PKP4: variants seen among roughly 807,000 people sequenced by gnomAD.
PKP4 encodes plakophilin 4, also known as plakophilin-4.
In PKP4, 90 loss-of-function variants were observed where a neutral mutation model predicts 145.1. The observed-to-expected ratio is 0.62, with a 90% CI of 0.52 to 0.74. The LOEUF (loss-of-function observed/expected upper bound fraction) is 0.74. Among genes scored for constraint, PKP4 ranks in the 30% least tolerant of loss-of-function variants. The pLI is 0.00. For synonymous variants in PKP4, 563 were observed against 577.2 expected (o/e 0.98, Z 0.35); for missense variants, 1,340 against 1,482.7 (o/e 0.90, Z 1.58).
chr2:158,496,960 A>G (rs1695833999), intron 1 of PKP4, among the ~76,000 whole-genome samples: 1 of 152,166 alleles, frequency 6.6e-6, no homozygotes, highest in Non-Finnish European at 1.5e-5. Context: ...TCTTGAAAAA[A>G]ATTAATGGTC....
chr2:158,573,262 A>G lies in PKP4; in HGVS notation c.133-4009A>G, dbSNP rs73966695. Among the ~76,000 whole-genome samples the G allele has an allele frequency of 1.7e-3, 262 of 152,360 alleles. 2 individuals are homozygous for G. The highest frequency in any genetic ancestry group is 5.9e-3 in the African/African-American group (246 of 41,580). Reference sequence around the variant, plus strand: ...TAAAAGCAATCTGCAAAAACTGTACAATATACCAATTGCATAAATTGTGTG... The same window carrying G: ...TAAAAGCAATCTGCAAAAACTGTACGATATACCAATTGCATAAATTGTGTG... On this transcript the variant is annotated intron_variant, in intron 2 of 21. Transcript: ENST00000389759.
intron 1 of PKP4, among the ~76,000 whole-genome samples, chr2:158,459,171 C>T (rs1387704868): frequency 6.6e-6 from 1 of 152,046 alleles, no homozygotes; most frequent in African/African-American, 2.4e-5. Context: ...GGAGTATCTT[C>T]GTTTTGGTGC....
Position 158,556,526 on chromosome 2 carries a change from T to C in PKP4, c.133-20745T>C, listed in dbSNP as rs1389852569. On this transcript the variant is annotated intron_variant, in intron 2 of 21. Transcript: ENST00000389759. Reference sequence around the variant, plus strand: ...GAAGCATTGTGGCTCTTTCTCTCTTTTTTTTTTTTTTTAACTTGTACTTAC... The same window carrying C: ...GAAGCATTGTGGCTCTTTCTCTCTTCTTTTTTTTTTTTAACTTGTACTTAC... Among the ~76,000 whole-genome samples, 14 of 150,414 alleles carry C rather than the reference T, an allele frequency of 9.3e-5. No individual in the cohort carries two copies. The East Asian group carries it at 2.3e-3, about 25-fold the overall frequency.
At position 158,678,588 on chromosome 2, in the gene PKP4, C is replaced by A. The variant is rs1211280294; in HGVS notation, c.3264C>A (p.Ser1088Arg). ...TAAAATATTTTCTTACAGGCTCCAG[C>A]AAACCTTCACCAATTTACATCAGTT... ...ATHKGLYPGS[S>R]KPSPIYISSY... The change falls in exon 21 of 22, where the codon AGC (serine) becomes AGA (arginine). Residue 1088 changes from serine (S) to arginine (R), a missense_variant. Physicochemically the swap from Ser to Arg is moderately radical, Grantham distance 110 (BLOSUM62 -1). Transcript: ENST00000389759. The A allele has an allele frequency of 3.7e-6, 6 of 1,608,834 alleles. No individual in the cohort carries two copies. The highest frequency in any genetic ancestry group is 1.1e-5 in the South Asian group (1 of 90,982).
chr2:158,486,823 A>G (rs1694233634), intron 1 of PKP4, among the ~76,000 whole-genome samples: 1 of 152,246 alleles, frequency 6.6e-6, no homozygotes, highest in Non-Finnish European at 1.5e-5. Flanking sequence ...TGTCTTAAGC[A>G]TGAGCAGCTT....
chr2:158,479,045 T>G (rs1178165628), intron 1 of PKP4, among the ~76,000 whole-genome samples: 2 of 152,218 alleles, frequency 1.3e-5, no homozygotes, highest in Non-Finnish European at 2.9e-5. Context: ...TCTATTCCTT[T>G]CTAGGCTAGG....
chr2:158,640,520 TC>T (rs2054189050), intron 9 of PKP4, 106 bp from the exon 10 acceptor site: 2 of 1,210,762 alleles, frequency 1.7e-6, no homozygotes, highest in Non-Finnish European at 2.3e-6. Flanking sequence ...TTTTGTAACT[TC>T]CCATTTTTGT....
intron 1 of PKP4, among the ~76,000 whole-genome samples, chr2:158,488,835 C>T (rs114163015): frequency 6.6e-6 from 1 of 152,152 alleles, no homozygotes; most frequent in Non-Finnish European, 1.5e-5. Flanking sequence ...GAATTCACTC[C>T]TGAGTCAGGG....
intron 4 of PKP4, among the ~76,000 whole-genome samples, chr2:158,604,286 A>G (rs1222605992): frequency 6.6e-6 from 1 of 152,170 alleles, no homozygotes; most frequent in Non-Finnish European, 1.5e-5. Flanking sequence ...GGGAACATTT[A>G]AAACTGGTTT....
At chr2:158,676,211 T>G (rs1289485186) in intron 19 of PKP4, among the ~76,000 whole-genome samples, 8 of 152,210 alleles carry the variant, frequency 5.3e-5, no homozygotes, top group Non-Finnish European at 1.2e-4. Flanking sequence ...AATGGGTGCT[T>G]TTATTCAAAC....
intron 1 of PKP4, among the ~76,000 whole-genome samples, chr2:158,465,986 A>G (rs1690547123): frequency 6.6e-6 from 1 of 152,212 alleles, no homozygotes; most frequent in Non-Finnish European, 1.5e-5. Context: ...GTCTTCCAAA[A>G]TATTATTTAG....
chr2:158,593,874 A>G (rs2049489162), intron 3 of PKP4, among the ~76,000 whole-genome samples: 1 of 152,230 alleles, frequency 6.6e-6, no homozygotes. Context: ...CATGTTCACC[A>G]CAGTAGCTGG....
At chr2:158,663,902 T>C (rs1167852547) in intron 15 of PKP4, among the ~76,000 whole-genome samples, 1 of 152,164 alleles carries the variant, frequency 6.6e-6, no homozygotes, top group Non-Finnish European at 1.5e-5. Context: ...GCCATCCAGA[T>C]AACAGGGACA....
At chr2:158,577,190 C>A in intron 2 of PKP4, 81 bp from the exon 3 acceptor site, 1 of 813,454 alleles carries the variant, frequency 1.2e-6, no homozygotes. Context: ...CCTATGTTTC[C>A]TGTGACATAC....
intron 11 of PKP4, among the ~76,000 whole-genome samples, chr2:158,643,513 CCAACCTGG>C (rs1340801671): frequency 6.6e-6 from 1 of 151,930 alleles, no homozygotes; most frequent in Non-Finnish European, 1.5e-5. Context: ...GAGTCCAAGA[CCAACCTGG>C]GCAACACAGG....
chr2:158,620,571 C>T (rs978013271), intron 4 of PKP4, among the ~76,000 whole-genome samples: 4 of 152,206 alleles, frequency 2.6e-5, no homozygotes, highest in African/African-American at 9.6e-5. Flanking sequence ...TCAGAGGCTT[C>T]ATCACCAAGC....
intron 2 of PKP4, among the ~76,000 whole-genome samples, chr2:158,544,492 C>A (rs1269048188): frequency 6.6e-6 from 1 of 151,994 alleles, no homozygotes; most frequent in Non-Finnish European, 1.5e-5. Context: ...TTGGTTTTCC[C>A]CACCGTAAGT....
chr2:158,594,944 G>C (rs550691476), intron 3 of PKP4, among the ~76,000 whole-genome samples: 1 of 152,146 alleles, frequency 6.6e-6, no homozygotes, highest in Middle Eastern at 3.2e-3. Context: ...CACTTTCACT[G>C]TCTTCACGTG....
chr2:158,631,550 AT>A (rs955590667), intron 7 of PKP4, among the ~76,000 whole-genome samples: 161 of 147,746 alleles, frequency 1.1e-3, no homozygotes, highest in African/African-American at 3.3e-3. Flanking sequence ...CACCCAACTA[AT>A]TTTTTTTTTT....
Sources: gnomAD v4.1 joint callset for allele counts (sites outside exome capture counted in the v4.1 genomes callset) on GRCh38, gnomAD v4.1.1 for gene constraint, MANE v1.5 for transcripts, NCBI Gene and HGNC (gene_info 2026-07-23, HGNC 2026-07-21) for gene names.